LUZP2: variants seen among roughly 807,000 people sequenced by gnomAD.
LUZP2 encodes the protein leucine zipper protein 2.
LUZP2 carries 52 observed loss-of-function variants against 51.6 expected under a neutral mutation model. That is an observed-to-expected ratio of 1.01 (90% CI 0.81 to 1.27). LUZP2 has a LOEUF of 1.27. Ranked by LOEUF, LUZP2 falls within the 50% of genes most tolerant of loss-of-function variation. LUZP2 has a pLI of 0.00. For synonymous variants in LUZP2, 154 were observed against 137.3 expected (o/e 1.12, Z -0.85); for missense variants, 436 against 395.4 (o/e 1.10, Z -0.87).
intron 1 of LUZP2, among the ~76,000 whole-genome samples, chr11:24,660,797 C>A (rs933860965): frequency 1.3e-5 from 2 of 151,784 alleles, no homozygotes; most frequent in Non-Finnish European, 2.9e-5. Context: ...TTTTCCAAAC[C>A]TTATTTTTTT....
At chr11:24,995,571 GT>G (rs146154055) in intron 9 of LUZP2, among the ~76,000 whole-genome samples, 8,562 of 148,132 alleles carry the variant, frequency 0.058, 339 homozygotes, top group African/African-American at 0.11. Context: ...GCTTTTTAAA[GT>G]TTTTTTTTTC....
intron 5 of LUZP2, among the ~76,000 whole-genome samples, chr11:24,869,040 C>G (rs947206876): frequency 2.6e-5 from 4 of 152,028 alleles, no homozygotes; most frequent in Admixed American, 2.6e-4. Context: ...TGGAACTTAC[C>G]AGCCTCAAAG....
intron 5 of LUZP2, among the ~76,000 whole-genome samples, chr11:24,829,116 A>C (rs571845593): frequency 6.6e-6 from 1 of 152,228 alleles, no homozygotes; most frequent in African/African-American, 2.4e-5. Context: ...TCCCTCTGAA[A>C]AGATAAACAG....
chr11:24,596,084 C>T (rs1044469416), intron 1 of LUZP2, among the ~76,000 whole-genome samples: 1 of 152,104 alleles, frequency 6.6e-6, no homozygotes, highest in African/African-American at 2.4e-5. Flanking sequence ...GTAGTAGAAC[C>T]TTATGGGATA....
At position 24,647,020 on chromosome 11, in the gene LUZP2, T is replaced by A. The variant is rs558201413; in HGVS notation, c.63-82149T>A. Among the ~76,000 whole-genome samples the A allele has an allele frequency of 7.2e-5, 11 of 152,148 alleles. No homozygotes were observed. In the South Asian group the frequency reaches 2.3e-3, roughly 32 times the overall value. On this transcript the variant is annotated intron_variant, in intron 1 of 11. Coordinates refer to ENST00000336930, the MANE Select transcript of LUZP2 (RefSeq NM_001009909.4). ...AATTCAGCTCCAGTAGAAGTATTAT[T>A]TATTAAGAAGTTGGGATTTGCATGA...
intron 1 of LUZP2, among the ~76,000 whole-genome samples, chr11:24,582,884 A>T (rs1852921612): frequency 6.6e-6 from 1 of 152,176 alleles, no homozygotes. Context: ...TGAGAGAATA[A>T]AAAGGAATAT....
chr11:24,601,967 T>A lies in LUZP2; in HGVS notation c.62+104662T>A, dbSNP rs61875663. 4.2e-4 allele frequency among the ~76,000 whole-genome samples: 54 copies of A among 129,694 alleles called. 10 individuals carry two copies. The highest frequency in any genetic ancestry group is 4.5e-3 in the Middle Eastern group (1 of 222). The allele number at this position is 129,694 out of a possible 152,430, so 85.1% of individuals were successfully genotyped here. On this transcript the variant is annotated intron_variant, in intron 1 of 11. Coordinates refer to ENST00000336930, the MANE Select transcript of LUZP2 (RefSeq NM_001009909.4). Reference sequence around the variant, plus strand: ...ATATGTATAAATGTATATATGTATATATGTGTATATGTATATATATGTGTA... The same window carrying A: ...ATATGTATAAATGTATATATGTATAAATGTGTATATGTATATATATGTGTA...
intron 5 of LUZP2, among the ~76,000 whole-genome samples, chr11:24,769,364 A>C (rs190469724): frequency 6.6e-6 from 1 of 152,170 alleles, no homozygotes; most frequent in Admixed American, 6.5e-5. Context: ...TATGTATTTC[A>C]AAATAGTTAG....
intron 5 of LUZP2, among the ~76,000 whole-genome samples, chr11:24,821,334 T>C (rs1850350275): frequency 6.6e-6 from 1 of 152,182 alleles, no homozygotes; most frequent in African/African-American, 2.4e-5. Context: ...GTAGAATGAA[T>C]GGATGCGTGT....
chr11:24,693,456 TTTATC>T (rs930314532), intron 1 of LUZP2, among the ~76,000 whole-genome samples: 1 of 151,702 alleles, frequency 6.6e-6, no homozygotes, highest in Non-Finnish European at 1.5e-5. Flanking sequence ...TTCCATATAT[TTTATC>T]TTAATTAAAA....
Position 24,646,857 on chromosome 11 carries a change from G to A in LUZP2, c.63-82312G>A, listed in dbSNP as rs116573999. Among the ~76,000 whole-genome samples the A allele has an allele frequency of 3.0e-3, 453 of 152,110 alleles. 4 individuals carry two copies. Among genetic ancestry groups the A allele is most frequent in the African/African-American group, 0.01 (432 of 41,530 alleles). ...GATGAGCTACTTTTAGTGCATGCCA[G>A]TCATCATGGGAAATGAAAGTATTTT... is the stretch of plus-strand genomic sequence containing the variant. On this transcript the variant is annotated intron_variant, in intron 1 of 11. Coordinates refer to ENST00000336930, the MANE Select transcript of LUZP2 (RefSeq NM_001009909.4).
intron 7 of LUZP2, among the ~76,000 whole-genome samples, chr11:24,958,750 T>G (rs182826808): frequency 1.0e-3 from 152 of 152,296 alleles, no homozygotes; most frequent in African/African-American, 3.2e-3. Context: ...AGAAACTCTT[T>G]AGTTTAATTA....
At chr11:24,628,003 TG>T (rs1461145582) in intron 1 of LUZP2, among the ~76,000 whole-genome samples, 1 of 152,186 alleles carries the variant, frequency 6.6e-6, no homozygotes, top group Non-Finnish European at 1.5e-5. Flanking sequence ...ATTTACTGTC[TG>T]GGGCATTTTC....
intron 5 of LUZP2, among the ~76,000 whole-genome samples, chr11:24,786,848 G>A (rs1354088811): frequency 2.0e-5 from 3 of 151,666 alleles, no homozygotes; most frequent in Non-Finnish European, 4.4e-5. Context: ...TTTATAGGAA[G>A]CCAAATTTTC....
intron 7 of LUZP2, among the ~76,000 whole-genome samples, chr11:24,923,894 C>T (rs1425635830): frequency 6.6e-6 from 1 of 152,132 alleles, no homozygotes; most frequent in African/African-American, 2.4e-5. Context: ...TTTGCTGCTT[C>T]CTCTACTCTG....
intron 9 of LUZP2, among the ~76,000 whole-genome samples, chr11:25,022,547 G>C (rs1489742793): frequency 2.6e-5 from 4 of 151,948 alleles, no homozygotes; most frequent in Non-Finnish European, 5.9e-5. Flanking sequence ...AAAGCCATGG[G>C]CTCTCTTCAC....
At chr11:24,787,807 T>A (rs1849290476) in intron 5 of LUZP2, among the ~76,000 whole-genome samples, 1 of 152,094 alleles carries the variant, frequency 6.6e-6, no homozygotes, top group East Asian at 1.9e-4. Context: ...TTATTATTTC[T>A]TTTTTGAAAT....
chr11:24,593,649 T>TTA (rs1227965993), intron 1 of LUZP2, among the ~76,000 whole-genome samples: 1 of 152,200 alleles, frequency 6.6e-6, no homozygotes, highest in African/African-American at 2.4e-5. Flanking sequence ...CCACTGCAGC[T>TTA]TAGGCTTCCC....
chr11:24,548,579 T>C (rs894353699), intron 1 of LUZP2, among the ~76,000 whole-genome samples: 5 of 152,072 alleles, frequency 3.3e-5, no homozygotes, highest in East Asian at 1.9e-4. Context: ...ACGATGAGAA[T>C]TGAAAAACTA....
Sources: gnomAD v4.1 joint callset for allele counts (sites outside exome capture counted in the v4.1 genomes callset) on GRCh38, gnomAD v4.1.1 for gene constraint, MANE v1.5 for transcripts, NCBI Gene and HGNC (gene_info 2026-07-23, HGNC 2026-07-21) for gene names.